The following ARSG variants were observed in gnomAD, a reference collection of about 807,000 sequenced individuals.
ARSG encodes arylsulfatase G, also known as ASG.
Under a neutral mutation model 50.5 loss-of-function variants are expected in ARSG, and 37 were observed. The ratio of observed to expected loss-of-function variants is 0.73; its 90% CI spans 0.56 to 0.96. The LOEUF (loss-of-function observed/expected upper bound fraction) is 0.96, where lower values mean the gene tolerates loss of function less well. Ranked by LOEUF, ARSG falls within the 50% of genes least tolerant of loss-of-function variation. ARSG has a pLI of 0.00. For missense variants in ARSG, 629 were observed against 675.3 expected, an observed-to-expected ratio of 0.93 and a Z score of 0.76; for synonymous variants, 225 against 254.6, an observed-to-expected ratio of 0.88 and a Z score of 1.11.
At chr17:68,366,119 A>G (rs1274079329) in intron 6 of ARSG, among the ~76,000 whole-genome samples, 1 of 151,888 alleles carries the variant, frequency 6.6e-6, no homozygotes, top group Non-Finnish European at 1.5e-5. Flanking sequence ...TGTATTTGTT[A>G]GTAGAGGCAG....
chr17:68,335,470 C>A (rs368994399), intron 2 of ARSG, among the ~76,000 whole-genome samples: 1 of 150,350 alleles, frequency 6.7e-6, no homozygotes, highest in South Asian at 2.1e-4. Flanking sequence ...AGGAGAATGG[C>A]GTGAACCCAG....
At chr17:68,340,248 A>G (rs750252381) in intron 2 of ARSG, among the ~76,000 whole-genome samples, 1 of 152,006 alleles carries the variant, frequency 6.6e-6, no homozygotes, top group Non-Finnish European at 1.5e-5. Context: ...ATGGATTTTT[A>G]TTTATTCATG....
chr17:68,291,539 G>A lies in ARSG; in HGVS notation c.-581G>A, dbSNP rs1434410858. On this transcript the variant is annotated 5_prime_UTR_variant, in exon 1 of 12. Coordinates refer to ENST00000621439, the MANE Select transcript of ARSG (RefSeq NM_001267727.2). ...AGCCGCGCCGGTCGCGCGCCCGCCA[G>A]CCTGCCGCCTGGGCTGGGGGTCACG... 6 of 150,492 alleles carry A rather than the reference G, an allele frequency of 4.0e-5. No homozygotes were observed. In the East Asian group the frequency reaches 1.0e-3, roughly 25 times the overall value. The allele number at this position is 150,492 out of a possible 1,614,324, so 9.3% of individuals were successfully genotyped here.
intron 2 of ARSG, among the ~76,000 whole-genome samples, chr17:68,334,854 C>T (rs571051046): frequency 6.6e-6 from 1 of 152,194 alleles, no homozygotes; most frequent in South Asian, 2.1e-4. Flanking sequence ...AGGCCTGAGC[C>T]CAGAAACTGG....
At chr17:68,431,450 G>A in the ARSG span, among the ~76,000 whole-genome samples, 2 of 152,094 alleles carry the variant, frequency 1.3e-5, no homozygotes, top group Non-Finnish European at 2.9e-5. Context: ...TCTGGGGGTG[G>A]TGGCTGCTGG....
At chr17:68,297,177 A>G (rs1449099470) in intron 1 of ARSG, among the ~76,000 whole-genome samples, 2 of 152,260 alleles carry the variant, frequency 1.3e-5, no homozygotes, top group Non-Finnish European at 2.9e-5. Context: ...TGTTTCTGAT[A>G]TGGAAATGTA....
the ARSG span, among the ~76,000 whole-genome samples, chr17:68,444,970 G>A: frequency 7.3e-6 from 1 of 137,516 alleles, no homozygotes; most frequent in Non-Finnish European, 1.5e-5. Flanking sequence ...ACCCAGACTG[G>A]AGTGCAGTGG....
chr17:68,404,431 C>G (rs1009905143), intron 11 of ARSG, among the ~76,000 whole-genome samples: 1 of 152,140 alleles, frequency 6.6e-6, no homozygotes, highest in Non-Finnish European at 1.5e-5. Context: ...ATGTAGATAC[C>G]GTGTATGTAC....
intron 2 of ARSG, among the ~76,000 whole-genome samples, chr17:68,337,839 A>G (rs1442967119): frequency 1.3e-5 from 2 of 151,926 alleles, no homozygotes; most frequent in Non-Finnish European, 2.9e-5. Flanking sequence ...CTGGTCTCGA[A>G]CTCCCAACCT....
chr17:68,289,888 G>A (rs1252996224), upstream of ARSG, among the ~76,000 whole-genome samples: 2 of 152,138 alleles, frequency 1.3e-5, no homozygotes, highest in Non-Finnish European at 2.9e-5. Context: ...TTTACACACT[G>A]TAAGTTCCTA....
chr17:68,433,776 T>TTG, the ARSG span, among the ~76,000 whole-genome samples: 2 of 63,124 alleles, frequency 3.2e-5, no homozygotes, highest in Non-Finnish European at 8.0e-5. Context: ...TTTTTTTTTT[T>TTG]TTTTTTTTTT....
At chr17:68,390,128 C>T (rs2080924519) in intron 9 of ARSG, among the ~76,000 whole-genome samples, 1 of 152,174 alleles carries the variant, frequency 6.6e-6, no homozygotes, top group Admixed American at 6.5e-5. Context: ...GCTGGGACTA[C>T]AGGCATGCGC....
chr17:68,351,595 A>G lies in ARSG; in HGVS notation c.475A>G (p.Ile159Val). The stretch of plus-strand genomic sequence containing the variant: ...TCCAGGTTTTGATTACTACTTTGGA[A>G]TCCCATATAGCCATGATATGGGCTG... ...NFRGFDYYFG[I>V]PYSHDMGCTD... Residue 159 changes from isoleucine (I) to valine (V), a missense_variant, in exon 5 of 12, where the codon ATC becomes GTC. Ile to Val is a conservative substitution (Grantham distance 29). Coordinates refer to ENST00000621439, the MANE Select transcript of ARSG (RefSeq NM_001267727.2). The G allele has an allele frequency of 7.4e-6, 12 of 1,613,012 alleles. No individual in the cohort carries two copies. Among genetic ancestry groups the G allele is most frequent in the Non-Finnish European group, 1.0e-5 (12 of 1,179,058 alleles).
At chr17:68,267,050 AT>A (rs1186981250) in intron 1 of ARSG, 1 of 152,206 alleles carries the variant, frequency 6.6e-6, no homozygotes, top group African/African-American at 2.4e-5. Context: ...AAATCCATAA[AT>A]TTATTGCAAA....
intron 4 of ARSG, 58 bp downstream of exon 4, chr17:68,347,230 A>G: frequency 6.4e-7 from 1 of 1,565,828 alleles, no homozygotes; most frequent in South Asian, 1.1e-5. Flanking sequence ...GTCTCTGTGT[A>G]AGACTCCATG....
At chr17:68,284,649 TTACTC>T (rs534312785) in intron 1 of ARSG, among the ~76,000 whole-genome samples, 1 of 152,192 alleles carries the variant, frequency 6.6e-6, no homozygotes, top group African/African-American at 2.4e-5. Flanking sequence ...TGTTCTGAAT[TTACTC>T]TACAAATCTT....
chr17:68,358,209 A>T (rs1292064958), intron 6 of ARSG, among the ~76,000 whole-genome samples: 2 of 151,956 alleles, frequency 1.3e-5, no homozygotes, highest in Admixed American at 6.6e-5. Context: ...TCTCAAAAAA[A>T]ATATAAAATG....
At chr17:68,325,310 A>G (rs1555772003) in intron 2 of ARSG, among the ~76,000 whole-genome samples, 2 of 152,216 alleles carry the variant, frequency 1.3e-5, no homozygotes, top group East Asian at 3.9e-4. Flanking sequence ...ATGATCTGTC[A>G]GTGGCTCCCA....
intron 6 of ARSG, among the ~76,000 whole-genome samples, chr17:68,365,422 GGTTAA>G (rs1229897366): frequency 5.9e-5 from 9 of 152,192 alleles, no homozygotes; most frequent in African/African-American, 9.6e-5. Context: ...AGATGACAGA[GGTTAA>G]GTTAATTGTC....
Sources: gnomAD v4.1 joint callset for allele counts (sites outside exome capture counted in the v4.1 genomes callset) on GRCh38, gnomAD v4.1.1 for gene constraint, MANE v1.5 for transcripts, NCBI Gene and HGNC (gene_info 2026-07-23, HGNC 2026-07-21) for gene names.